Variants in PCDH15 observed in about 807,000 individuals in gnomAD.
PCDH15 encodes protocadherin related 15, also known as protocadherin-15.
In PCDH15, 129 loss-of-function variants were observed where a neutral mutation model predicts 178.5. The ratio of observed to expected loss-of-function variants is 0.72; its 90% confidence interval spans 0.63 to 0.84. The LOEUF (loss-of-function observed/expected upper bound fraction) is 0.84, where lower values mean the gene tolerates loss of function less well. Among genes scored for constraint, PCDH15 ranks in the 40% least tolerant of loss-of-function variants. The pLI is 0.00. For synonymous variants in PCDH15, 800 were observed against 732.0 expected, an observed-to-expected ratio of 1.09 and a Z score of -1.50; for missense variants, 2,230 against 2,099.9, an observed-to-expected ratio of 1.06 and a Z score of -1.21.
intron 1 of PCDH15, among the ~76,000 whole-genome samples, chr10:54,669,511 T>C (rs191020576): frequency 1.3e-5 from 2 of 151,424 alleles, no homozygotes; most frequent in African/African-American, 4.8e-5. Flanking sequence ...TAATGATAGG[T>C]AATATCAATG....
In PCDH15 at chr10:55,009,273, T is replaced by TG. The variant is rs3073621; in HGVS notation, c.-79-111774_-79-111773insC. Among the ~76,000 whole-genome samples the TG allele has an allele frequency of 9.2e-5, 14 of 151,982 alleles. No individual in the cohort carries two copies. In the East Asian group the frequency reaches 2.7e-3, roughly 29 times the overall value. On this transcript the variant is annotated intron_variant, in intron 2 of 5. Transcript: ENST00000458638. ...AGATGTGTGTGTGTGTGTGTGTGTG[T>TG]TTGTGCCTTTGTGTGTGCTAAGTGG...
intron 2 of PCDH15, among the ~76,000 whole-genome samples, chr10:55,094,565 G>A (rs1842401184): frequency 6.6e-6 from 1 of 151,632 alleles, no homozygotes; most frequent in African/African-American, 2.4e-5. Flanking sequence ...AAAAAAATTA[G>A]GTAGTATTGG....
chr10:54,530,561 T>A (rs2083801690), intron 2 of PCDH15, among the ~76,000 whole-genome samples: 2 of 152,196 alleles, frequency 1.3e-5, no homozygotes, highest in Non-Finnish European at 2.9e-5. Flanking sequence ...TGTAGTCTGC[T>A]AAGCTACAAT....
chr10:54,591,682 C>A (rs983248783), intron 2 of PCDH15, among the ~76,000 whole-genome samples: 1 of 151,610 alleles, frequency 6.6e-6, no homozygotes, highest in Non-Finnish European at 1.5e-5. Flanking sequence ...CTTCAACATG[C>A]CAATATCTAA....
intron 1 of PCDH15, among the ~76,000 whole-genome samples, chr10:54,797,507 A>AACACACACACAC (rs71014418): frequency 3.4e-5 from 5 of 145,284 alleles, no homozygotes; most frequent in South Asian, 2.2e-4. Context: ...TTATTGTTGA[A>AACACACACACAC]ACACACACAC....
At chr10:54,132,799 T>C in intron 15 of PCDH15, 76 bp downstream of exon 15, 2 of 1,548,724 alleles carry the variant, frequency 1.3e-6, no homozygotes, top group Non-Finnish European at 1.7e-6. Context: ...CATACACAAA[T>C]ATAAACTCAT....
At chr10:54,835,665 C>A (rs1396474535) in intron 3 of PCDH15, among the ~76,000 whole-genome samples, 1 of 152,040 alleles carries the variant, frequency 6.6e-6, no homozygotes, top group African/African-American at 2.4e-5. Flanking sequence ...ATTCACATAG[C>A]TCCTGTCCAA....
chr10:54,223,760 C>T (rs2053147814), intron 9 of PCDH15, among the ~76,000 whole-genome samples: 1 of 151,862 alleles, frequency 6.6e-6, no homozygotes, highest in African/African-American at 2.4e-5. Flanking sequence ...ATCTGTACCA[C>T]AAAAATAATG....
Position 54,098,284 on chromosome 10 carries a change from G to A in PCDH15, c.1918-8221C>T, listed in dbSNP as rs189404416. ...GTCCTAGGTTAAACACATTCCAAAA[G>A]ACTGTTAGGGAACAGTTTGTTCTGG... On this transcript the variant is annotated intron_variant, in intron 15 of 37. Coordinates refer to ENST00000644397, the MANE Select transcript of PCDH15 (RefSeq NM_001384140.1). Among the ~76,000 whole-genome samples, 288 of 151,602 alleles carry A rather than the reference G, an allele frequency of 1.9e-3. 2 individuals are homozygous for A. The highest frequency in any genetic ancestry group is 6.3e-3 in the African/African-American group (260 of 41,342).
chr10:55,521,088 A>G (rs1352244723), intron 2 of PCDH15, among the ~76,000 whole-genome samples: 1 of 151,616 alleles, frequency 6.6e-6, no homozygotes, highest in African/African-American at 2.4e-5. Flanking sequence ...CCTCTGACTA[A>G]CCCCCAGCCC....
chr10:54,574,401 C>T lies in PCDH15; in HGVS notation c.92-46524G>A, dbSNP rs1017075826. Among the ~76,000 whole-genome samples the T allele has an allele frequency of 1.6e-4, 24 of 151,760 alleles. No individual in the cohort carries two copies. In the East Asian group the frequency reaches 4.5e-3, roughly 28 times the overall value. ...TTGATCTATATCTCTGTTTTGGTAC[C>T]GGTACCATGCTGTTTTGGTTACTGT... On this transcript the variant is annotated intron_variant, in intron 2 of 37. Transcript: ENST00000644397.
chr10:54,196,544 A>C (rs2133933329), intron 10 of PCDH15, among the ~76,000 whole-genome samples: 1 of 152,298 alleles, frequency 6.6e-6, no homozygotes, highest in South Asian at 2.1e-4. Flanking sequence ...CCGCTGATAA[A>C]ATATTTAAAT....
intron 3 of PCDH15, among the ~76,000 whole-genome samples, chr10:54,470,067 C>T (rs980494495): frequency 3.7e-4 from 56 of 152,222 alleles, no homozygotes; most frequent in African/African-American, 1.3e-3. Context: ...CTCAGCCCCC[C>T]GGTAGTGTTT....
intron 17 of PCDH15, among the ~76,000 whole-genome samples, chr10:54,070,396 G>A (rs2094216731): frequency 6.6e-6 from 1 of 152,134 alleles, no homozygotes; most frequent in African/African-American, 2.4e-5. Context: ...TACAGATGGG[G>A]TTTCACTATG....
At chr10:54,967,841 GA>G (rs756892108) in intron 2 of PCDH15, among the ~76,000 whole-genome samples, 4 of 152,128 alleles carry the variant, frequency 2.6e-5, no homozygotes, top group South Asian at 2.1e-4. Flanking sequence ...TCAACTTGGG[GA>G]CAGTTATCTT....
At position 55,098,470 on chromosome 10, in the gene PCDH15, T is replaced by A. The variant is rs148806154; in HGVS notation, c.-80+68106A>T. Among the ~76,000 whole-genome samples, 459 of 152,220 alleles carry A rather than the reference T, an allele frequency of 3.0e-3. 3 individuals carry two copies. The highest frequency in any genetic ancestry group is 0.011 in the African/African-American group (449 of 41,548). On this transcript the variant is annotated intron_variant, in intron 2 of 5. Transcript: ENST00000458638. ...AGCCTGTGAAATCCAGCTGCACACA[T>A]AGACAAGCAAGCTGGAAGCTTTCGT...
At chr10:54,121,492 T>C (rs887953104) in intron 15 of PCDH15, among the ~76,000 whole-genome samples, 1 of 152,152 alleles carries the variant, frequency 6.6e-6, no homozygotes, top group East Asian at 1.9e-4. Flanking sequence ...AAAGGATAAA[T>C]GAAACCATAG....
At chr10:54,873,474 T>A (rs1247150998) in intron 3 of PCDH15, among the ~76,000 whole-genome samples, 2 of 148,896 alleles carry the variant, frequency 1.3e-5, no homozygotes, top group Non-Finnish European at 3.0e-5. Flanking sequence ...CTGCTGTATT[T>A]TATATATATA....
chr10:53,924,147 G>A (rs1182833638), intron 25 of PCDH15, among the ~76,000 whole-genome samples: 2 of 152,162 alleles, frequency 1.3e-5, no homozygotes, highest in South Asian at 4.1e-4. Flanking sequence ...GCCAAGGCCG[G>A]AGCCAGCTCC....
Sources: gnomAD v4.1 joint callset for allele counts (sites outside exome capture counted in the v4.1 genomes callset) on GRCh38, gnomAD v4.1.1 for gene constraint, MANE v1.5 for transcripts, NCBI Gene and HGNC (gene_info 2026-07-23, HGNC 2026-07-21) for gene names.